The following CHL1 variants were observed in gnomAD, a reference collection of about 807,000 sequenced individuals.
CHL1 encodes the protein cell adhesion molecule L1 like.
A neutral mutation model predicts 141.9 loss-of-function variants in CHL1; 96 were observed. The ratio of observed to expected loss-of-function variants is 0.68; its 90% CI spans 0.57 to 0.80. The LOEUF is 0.80. CHL1 is among the 30% of genes least tolerant of loss of function. The probability of loss-of-function intolerance (pLI) is 0.00; values close to 1 mark genes in which losing one functional copy is unlikely to be tolerated. For missense variants in CHL1, 1,820 were observed against 1,457.2 expected, an observed-to-expected ratio of 1.25 and a Z score of -4.05; for synonymous variants, 613 against 502.2, an observed-to-expected ratio of 1.22 and a Z score of -2.95.
intron 2 of CHL1, among the ~76,000 whole-genome samples, chr3:302,583 T>G (rs80307197): frequency 0.02 from 3,048 of 152,328 alleles, 90 homozygotes; most frequent in African/African-American, 0.07. Context: ...GCCCATTTGT[T>G]GATCAGGTTG....
Position 401,617 on chromosome 3 carries a change from C to A in CHL1, c.3386-9C>A, listed in dbSNP as rs1174999366. The stretch of plus-strand genomic sequence containing the variant: ...GTATTACTTTTCCCACTTTTTTTCT[C>A]TTTTTTAGTTAAAGAAAAGGAAGAT... On this transcript the variant is annotated splice_polypyrimidine_tract_variant and intron_variant, in intron 26 of 27. Coordinates refer to ENST00000256509, the MANE Select transcript of CHL1 (RefSeq NM_006614.4). 6.4e-7 allele frequency: 1 copy of A among 1,551,312 alleles called. No homozygotes were observed. The highest frequency in any genetic ancestry group is 1.2e-5 in the South Asian group (1 of 86,530).
At chr3:311,080 T>C (rs1699712266) in intron 2 of CHL1, among the ~76,000 whole-genome samples, 1 of 152,202 alleles carries the variant, frequency 6.6e-6, no homozygotes, top group Admixed American at 6.5e-5. Context: ...ACCACTGATA[T>C]TCCATTGTCT....
chr3:274,404 G>C (rs1171613628), intron 2 of CHL1, among the ~76,000 whole-genome samples: 1 of 152,140 alleles, frequency 6.6e-6, no homozygotes, highest in Admixed American at 6.5e-5. Context: ...GTTGAACCAT[G>C]CTCAAAAAAA....
At chr3:218,872 C>T (rs376653196) in intron 1 of CHL1, among the ~76,000 whole-genome samples, 10 of 152,256 alleles carry the variant, frequency 6.6e-5, no homozygotes, top group South Asian at 2.1e-4. Flanking sequence ...GTAGGCCGGG[C>T]GCACTGGCTC....
chr3:404,081 G>T (rs953154238), intron 27 of CHL1, among the ~76,000 whole-genome samples: 1 of 152,190 alleles, frequency 6.6e-6, no homozygotes, highest in African/African-American at 2.4e-5. Flanking sequence ...CACAGAGATT[G>T]CCCTTTTCAT....
chr3:266,029 T>C (rs1695119281), intron 2 of CHL1, among the ~76,000 whole-genome samples: 1 of 152,190 alleles, frequency 6.6e-6, no homozygotes, highest in Non-Finnish European at 1.5e-5. Flanking sequence ...ATGGTATTAT[T>C]GGGGGCAGCT....
At chr3:253,060 A>G (rs1693845689) in intron 2 of CHL1, among the ~76,000 whole-genome samples, 1 of 152,120 alleles carries the variant, frequency 6.6e-6, no homozygotes, top group South Asian at 2.1e-4. Context: ...CTTACTAGTA[A>G]TGTGTGCTTT....
At chr3:223,420 A>C (rs962795861) in intron 1 of CHL1, among the ~76,000 whole-genome samples, 1 of 152,232 alleles carries the variant, frequency 6.6e-6, no homozygotes, top group African/African-American at 2.4e-5. Flanking sequence ...GTAATTTACT[A>C]TTCAGAATGT....
At chr3:256,661 G>A (rs1001383776) in intron 2 of CHL1, among the ~76,000 whole-genome samples, 2 of 152,182 alleles carry the variant, frequency 1.3e-5, no homozygotes, top group Non-Finnish European at 2.9e-5. Context: ...ATCATGCTGA[G>A]GTTGAGAAAC....
In CHL1 at chr3:389,385, A is replaced by G. The variant is rs747154019; in HGVS notation, c.2381A>G (p.Tyr794Cys). ...HTLRVMTPAVYAPYDVKVQAI... is the reference protein window; with the variant it reads ...HTLRVMTPAVCAPYDVKVQAI... ...TTGCGGGTGATGACGCCTGCTGTCT[A>G]TGCCCCTTATGATGTCAAGGTCCAG... The change falls in exon 20 of 28, where the codon TAT (tyrosine) becomes TGT (cysteine). Residue 794 changes from tyrosine to cysteine, a missense_variant. Tyr to Cys is a radical substitution (Grantham distance 194). Coordinates refer to ENST00000256509, the MANE Select transcript of CHL1 (RefSeq NM_006614.4). 4 of 1,614,226 alleles carry G rather than the reference A, an allele frequency of 2.5e-6. No individual in the cohort carries two copies. The highest frequency in any genetic ancestry group is 2.2e-5 in the South Asian group (2 of 91,086).
At chr3:313,371 T>C (rs1699904265) in intron 2 of CHL1, among the ~76,000 whole-genome samples, 1 of 152,198 alleles carries the variant, frequency 6.6e-6, no homozygotes, top group Admixed American at 6.5e-5. Flanking sequence ...TTTTTGCCCA[T>C]GTATCACACT....
intron 11 of CHL1, among the ~76,000 whole-genome samples, chr3:359,169 C>T (rs563715190): frequency 2.7e-4 from 41 of 151,946 alleles, no homozygotes; most frequent in African/African-American, 9.4e-4. Flanking sequence ...GTCCCCTCAC[C>T]TTTAAAATGG....
At chr3:309,881 ATT>A (rs1699611444) in intron 2 of CHL1, among the ~76,000 whole-genome samples, 1 of 152,094 alleles carries the variant, frequency 6.6e-6, no homozygotes, top group South Asian at 2.1e-4. Context: ...CATTATATAT[ATT>A]ATCCTTTAAA....
chr3:197,142 G>C (rs1698397605), intron 1 of CHL1, 79 bp downstream of exon 1: 1 of 152,366 alleles, frequency 6.6e-6, no homozygotes, highest in Non-Finnish European at 1.5e-5. Context: ...GGCTGAAGGT[G>C]CTCCGGGAGG....
intron 1 of CHL1, among the ~76,000 whole-genome samples, chr3:202,314 G>A (rs73814168): frequency 0.017 from 2,594 of 152,242 alleles, 66 homozygotes; most frequent in African/African-American, 0.058. Context: ...GGGACAGAGC[G>A]TATGTGTGTG....
At position 405,911 on chromosome 3, in the gene CHL1, C is replaced by T. The variant is rs1709504910; in HGVS notation, c.*200C>T. The T allele has an allele frequency of 2.0e-6, 1 of 510,374 alleles. No homozygotes were observed. Among genetic ancestry groups the T allele is most frequent in the African/African-American group, 1.9e-5 (1 of 51,804 alleles). The allele number at this position is 510,374 out of a possible 1,614,324, so 31.6% of individuals were successfully genotyped here. On this transcript the variant is annotated 3_prime_UTR_variant, in exon 28 of 28. Transcript: ENST00000256509. ...CCAAGCACTTCAGGCCTATGTTTTGCTTATATTGTTTTCAGGTGCTCAAAA... is the reference window on the plus strand; with the variant it reads ...CCAAGCACTTCAGGCCTATGTTTTGTTTATATTGTTTTCAGGTGCTCAAAA...
At chr3:312,621 G>C (rs1444811808) in intron 2 of CHL1, among the ~76,000 whole-genome samples, 1 of 152,132 alleles carries the variant, frequency 6.6e-6, no homozygotes, top group Non-Finnish European at 1.5e-5. Context: ...CAGGGGAATA[G>C]TTTAACCTAG....
intron 5 of CHL1, among the ~76,000 whole-genome samples, chr3:333,535 A>G (rs1701629120): frequency 6.6e-6 from 1 of 151,974 alleles, no homozygotes; most frequent in African/African-American, 2.4e-5. Context: ...AACCAAACAA[A>G]CAGAATGTAC....
chr3:270,133 A>T (rs933967497), intron 2 of CHL1, among the ~76,000 whole-genome samples: 1 of 152,156 alleles, frequency 6.6e-6, no homozygotes, highest in African/African-American at 2.4e-5. Flanking sequence ...AATGGGGGGA[A>T]GGGGGAAATA....
Sources: gnomAD v4.1 joint callset for allele counts (sites outside exome capture counted in the v4.1 genomes callset) on GRCh38, gnomAD v4.1.1 for gene constraint, MANE v1.5 for transcripts, NCBI Gene and HGNC (gene_info 2026-07-23, HGNC 2026-07-21) for gene names.